Variants in HSPG2 observed in about 807,000 individuals in gnomAD.
HSPG2 encodes basement membrane-specific heparan sulfate proteoglycan core protein.
HSPG2 carries 278 observed loss-of-function variants against 526.6 expected under a neutral mutation model. The observed-to-expected ratio is 0.53, with a 90% CI of 0.48 to 0.58. HSPG2 has a LOEUF of 0.58. HSPG2 is among the 20% of genes least tolerant of loss of function. HSPG2 has a pLI of 0.00. For synonymous variants in HSPG2, 2,465 were observed against 2,555.4 expected (o/e 0.96, Z 1.07); for missense variants, 5,354 against 6,099.5 (o/e 0.88, Z 4.07).
intron 1 of HSPG2, among the ~76,000 whole-genome samples, chr1:21,915,749 A>C (rs1245285272): frequency 1.3e-5 from 2 of 152,226 alleles, no homozygotes; most frequent in Non-Finnish European, 2.9e-5. Flanking sequence ...GGCTAGTACC[A>C]TCAAGAAACT....
Position 21,847,890 on chromosome 1 carries a change from T to C in HSPG2, c.7874-50A>G, listed in dbSNP as rs1277363058. 3 of 1,613,792 alleles carry C rather than the reference T, an allele frequency of 1.9e-6. No individual in the cohort carries two copies. Among genetic ancestry groups the C allele is most frequent in the Non-Finnish European group, 2.5e-6 (3 of 1,179,978 alleles). On this transcript the variant is annotated intron_variant, in intron 60 of 96. Coordinates refer to ENST00000374695, the MANE Select transcript of HSPG2 (RefSeq NM_005529.7). This position sits in a 1 kb window ranked among gnomAD's most constrained non-coding sequence, Gnocchi z 4.1. ...CGCAGCCAGAGTGAGATAACAGTGA[T>C]GGCACCGGGGACCTCTCTGCCACCC...
In HSPG2 at chr1:21,872,056, G is replaced by A. The variant is rs777889948; in HGVS notation, c.4221+130C>T. ...GCTGGGGTTCAGACCAATGTCTATG[G>A]GACTGCAAAAGCCACGTGCCTAACC... On this transcript the variant is annotated intron_variant, in intron 33 of 96. Transcript: ENST00000374695. The surrounding 1 kb of genome is among the most constrained non-coding windows in gnomAD (Gnocchi z 5.5). 116 of 916,872 alleles carry A rather than the reference G, an allele frequency of 1.3e-4. No individual in the cohort carries two copies. The highest frequency in any genetic ancestry group is 1.9e-4 in the Non-Finnish European group (111 of 577,232). 56.8% of individuals were successfully genotyped at this position (916,872 alleles called of 1,614,324 possible).
At chr1:21,902,585 C>A (rs1643160488) in intron 1 of HSPG2, among the ~76,000 whole-genome samples, 1 of 152,254 alleles carries the variant, frequency 6.6e-6, no homozygotes, top group South Asian at 2.1e-4. Flanking sequence ...GGACTCCCCT[C>A]TGCTGGGTTC....
chr1:21,880,700 TG>T lies in HSPG2; in HGVS notation c.1953del (p.Thr652ProfsTer6), dbSNP rs1416349100. On this transcript the variant is annotated frameshift_variant, in exon 15 of 97. Coordinates refer to ENST00000374695, the MANE Select transcript of HSPG2 (RefSeq NM_005529.7). LOFTEE classifies it high-confidence loss of function. ...GYRLLSRGHT[P>X]TQPGALNQRQ... ...CGCTGGTTCAGAGCACCAGGTTGGGTGGGTGTGTGGCCTCGGGAGAGGAGGC... is the reference window on the plus strand; with the variant it reads ...CGCTGGTTCAGAGCACCAGGTTGGGTGGTGTGTGGCCTCGGGAGAGGAGGC... The T allele has an allele frequency of 6.3e-7, 1 of 1,599,608 alleles. No homozygotes were observed. The highest frequency in any genetic ancestry group is 8.5e-7 in the Non-Finnish European group (1 of 1,173,660).
chr1:21,907,728 G>A (rs1421093024), intron 1 of HSPG2, among the ~76,000 whole-genome samples: 3 of 152,066 alleles, frequency 2.0e-5, no homozygotes, highest in Non-Finnish European at 4.4e-5. Flanking sequence ...TGCCCAGGCT[G>A]GTCTCGAACT....
chr1:21,918,326 G>A (rs1185106799), intron 1 of HSPG2, among the ~76,000 whole-genome samples: 1 of 152,164 alleles, frequency 6.6e-6, no homozygotes, highest in African/African-American at 2.4e-5. Flanking sequence ...TTAGCAGGGT[G>A]TGGTGGCGCA....
At chr1:21,867,060 ATT>A (rs760247347) in intron 33 of HSPG2, among the ~76,000 whole-genome samples, 1 of 74,666 alleles carries the variant, frequency 1.3e-5, no homozygotes, top group Non-Finnish European at 2.5e-5. Flanking sequence ...AAAATTTTTT[ATT>A]TTTTTTTTCA....
Position 21,846,580 on chromosome 1 carries a change from G to A in HSPG2, c.8184C>T (p.Pro2728=). The A allele has an allele frequency of 1.2e-6, 2 of 1,613,664 alleles. No individual in the cohort carries two copies. Among genetic ancestry groups the A allele is most frequent in the Non-Finnish European group, 1.7e-6 (2 of 1,180,038 alleles). ...GTGAGGAGGATGACTCAATTCTGAT[G>A]GGCATGGAGCTGCCAGGGGCTGGGG... ...GSPSAPGSSM[P]IRIESSSSHV... The change falls in exon 63 of 97, where the codon CCC becomes CCT. Residue 2728 remains proline, a synonymous_variant. Transcript: ENST00000374695.
In HSPG2 at chr1:21,887,345, G is replaced by C. The variant is rs746171219; in HGVS notation, c.959-11C>G. On this transcript the variant is annotated splice_polypyrimidine_tract_variant and intron_variant, in intron 8 of 96. Coordinates refer to ENST00000374695, the MANE Select transcript of HSPG2 (RefSeq NM_005529.7). This position sits in a 1 kb window ranked among gnomAD's most constrained non-coding sequence, Gnocchi z 5.0. ...AGGGTGGCGGGGGGCCTAGGAGACCGGGCAGGGGTCAGCAGCATCCTCCCG... is the reference window on the plus strand; with the variant it reads ...AGGGTGGCGGGGGGCCTAGGAGACCCGGCAGGGGTCAGCAGCATCCTCCCG... 11 of 1,613,818 alleles carry C rather than the reference G, an allele frequency of 6.8e-6. No individual in the cohort carries two copies. The highest frequency in any genetic ancestry group is 8.5e-6 in the Non-Finnish European group (10 of 1,179,940).
At chr1:21,880,011 A>C (rs1641373793) in intron 17 of HSPG2, 96 bp downstream of exon 17, 1 of 1,424,864 alleles carries the variant, frequency 7.0e-7, no homozygotes, top group Non-Finnish European at 9.9e-7. Flanking sequence ...CATGACAGTC[A>C]TTCTGGAGGC....
chr1:21,855,431 C>G lies in HSPG2; in HGVS notation c.5870G>C (p.Arg1957Thr). The G allele has an allele frequency of 6.2e-7, 1 of 1,613,244 alleles. No individual in the cohort carries two copies. The highest frequency in any genetic ancestry group is 8.5e-7 in the Non-Finnish European group (1 of 1,179,882). ...VLHVHGGGGP[R>T]VQVSPERTQV... ...GGTCCTCTCTGGGCTCACTTGGACT[C>G]TGGGCCCACCGCCCCCTGCAGACAG... Residue 1957 changes from arginine (R) to threonine (T), a missense_variant, in exon 47 of 97, where the codon AGA (arginine) becomes ACA (threonine). Arg to Thr is a moderately conservative substitution (Grantham distance 71). Coordinates refer to ENST00000374695, the MANE Select transcript of HSPG2 (RefSeq NM_005529.7).
intron 21 of HSPG2, among the ~76,000 whole-genome samples, chr1:21,877,842 C>A (rs1471273125): frequency 6.6e-6 from 1 of 152,206 alleles, no homozygotes; most frequent in African/African-American, 2.4e-5. Context: ...CTCTGAGCCT[C>A]CATTTCCTCA....
At chr1:21,923,279 C>A (rs913474435) in intron 1 of HSPG2, among the ~76,000 whole-genome samples, 3 of 151,892 alleles carry the variant, frequency 2.0e-5, no homozygotes, top group African/African-American at 7.3e-5. Flanking sequence ...TAATGGCGGG[C>A]GCCTGTAATC....
intron 71 of HSPG2, among the ~76,000 whole-genome samples, 165 bp downstream of exon 71, chr1:21,840,936 T>C (rs1470892591): frequency 6.6e-6 from 1 of 152,026 alleles, no homozygotes; most frequent in East Asian, 1.9e-4. Flanking sequence ...CTCTTCCCTC[T>C]CATCTTCCAG....
rs773660844 is a variant in HSPG2, at chr1:21,824,158, T to C, written c.12862A>G (p.Ile4288Val). ...ACCCGGTGCCACTCGCCGTCATTGATGGGGTCCTCAGAGACCAGGCGGGCC... is the reference window on the plus strand; with the variant it reads ...ACCCGGTGCCACTCGCCGTCATTGACGGGGTCCTCAGAGACCAGGCGGGCC... ...GEARLVSEDP[I>V]NDGEWHRVTA... Residue 4288 changes from isoleucine to valine, a missense_variant, in exon 95 of 97, where the codon ATC (isoleucine) becomes GTC (valine). Transcript: ENST00000374695. The surrounding 1 kb of genome is among the most constrained non-coding windows in gnomAD (Gnocchi z 5.9). 1 of 1,613,666 alleles carries C rather than the reference T, an allele frequency of 6.2e-7. No homozygotes were observed. The highest frequency in any genetic ancestry group is 8.5e-7 in the Non-Finnish European group (1 of 1,180,024).
At position 21,887,820 on chromosome 1, in the gene HSPG2, C is replaced by T; in HGVS notation, c.703+118G>A. On this transcript the variant is annotated intron_variant, in intron 7 of 96. Transcript: ENST00000374695. The surrounding 1 kb of genome is among the most constrained non-coding windows in gnomAD (Gnocchi z 5.0). ...TGGCTCTGTCATCACCCTTCCTATG[C>T]CCCCATCCTCTGCCTGCACCAAACC... 1 of 1,569,336 alleles carries T rather than the reference C, an allele frequency of 6.4e-7. No individual in the cohort carries two copies. The highest frequency in any genetic ancestry group is 8.8e-7 in the Non-Finnish European group (1 of 1,142,554).
intron 1 of HSPG2, among the ~76,000 whole-genome samples, chr1:21,924,841 A>G (rs1644141779): frequency 6.6e-6 from 1 of 152,194 alleles, no homozygotes; most frequent in Non-Finnish European, 1.5e-5. Flanking sequence ...CCCCTGCCAC[A>G]ATGCTTTCCT....
At position 21,847,439 on chromosome 1, in the gene HSPG2, C is replaced by T. The variant is rs147303194; in HGVS notation, c.8079G>A (p.Glu2693=). The T allele has an allele frequency of 6.2e-7, 1 of 1,613,818 alleles. No homozygotes were observed. The highest frequency in any genetic ancestry group is 1.3e-5 in the African/African-American group (1 of 74,938). ...LHQMSVADSG[E]YVCRANNNID... is the part of the protein sequence containing the mutation. ...TGTTGTTGTTGGCCCGGCACACATA[C>T]TCGCCCGAGTCAGCCACAGACATTT... The change falls in exon 62 of 97, where the codon GAG becomes GAA. Residue 2693 remains glutamate (E), a synonymous_variant. Coordinates refer to ENST00000374695, the MANE Select transcript of HSPG2 (RefSeq NM_005529.7). The surrounding 1 kb of genome is among the most constrained non-coding windows in gnomAD (Gnocchi z 4.1).
chr1:21,841,659 T>C lies in HSPG2; in HGVS notation c.9208A>G (p.Ser3070Gly). 6.2e-7 allele frequency: 1 copy of C among 1,614,110 alleles called. No homozygotes were observed. The highest frequency in any genetic ancestry group is 8.5e-7 in the Non-Finnish European group (1 of 1,180,016). ...ATGGTGATGATGGAGCCATTGGGAC[T>C]GATGTGGACGTTGTCTGTGAGGTTG... Reference protein sequence around the residue: ...NQELEDNVHISPNGSIITIVG... With the variant: ...NQELEDNVHIGPNGSIITIVG... Residue 3070 changes from serine to glycine, a missense_variant, in exon 70 of 97, where the codon AGT becomes GGT. Physicochemically the swap from Ser to Gly is moderately conservative, Grantham distance 56. Coordinates refer to ENST00000374695, the MANE Select transcript of HSPG2 (RefSeq NM_005529.7).
Sources: gnomAD v4.1 joint callset for allele counts (sites outside exome capture counted in the v4.1 genomes callset) on GRCh38, gnomAD v4.1.1 for gene constraint, Gnocchi (gnomAD v3.1) non-coding constraint, MANE v1.5 for transcripts, NCBI Gene and HGNC (gene_info 2026-07-23, HGNC 2026-07-21) for gene names.